Variants in ICA1 observed in about 807,000 individuals in gnomAD.
The protein encoded by ICA1 is 69 kDa islet cell autoantigen.
Under a neutral mutation model 71.0 loss-of-function variants are expected in ICA1, and 40 were observed. That is an observed-to-expected ratio of 0.56 (90% CI 0.44 to 0.73). The LOEUF (loss-of-function observed/expected upper bound fraction) is 0.73, where lower values mean the gene tolerates loss of function less well. Ranked by LOEUF, ICA1 falls within the 30% of genes least tolerant of loss-of-function variation. ICA1 has a pLI of 0.00. For synonymous variants in ICA1, 207 were observed against 209.5 expected (o/e 0.99, Z 0.10); for missense variants, 578 against 576.5 (o/e 1.00, Z -0.03).
At chr7:8,245,138 T>C (rs1461857974) in intron 1 of ICA1, among the ~76,000 whole-genome samples, 1 of 152,106 alleles carries the variant, frequency 6.6e-6, no homozygotes, top group Non-Finnish European at 1.5e-5. Flanking sequence ...CTATTCACAA[T>C]ACCAACGACT....
chr7:8,152,891 T>TCCACCACC (rs1562705785), intron 8 of ICA1, among the ~76,000 whole-genome samples: 1 of 2,802 alleles, frequency 3.6e-4, no homozygotes, highest in African/African-American at 1.4e-3. Flanking sequence ...CCACCACCAC[T>TCCACCACC]ACCACCATTA....
Position 8,130,665 on chromosome 7 carries a change from C to T in ICA1, c.1061-2523G>A, listed in dbSNP as rs1343776431. Among the ~76,000 whole-genome samples the T allele has an allele frequency of 1.3e-5, 2 of 152,144 alleles. No homozygotes were observed. Among genetic ancestry groups the T allele is most frequent in the Non-Finnish European group, 2.9e-5 (2 of 68,030 alleles). The stretch of plus-strand genomic sequence containing the variant: ...AAATGACGTATGTTCCTTCTACAGT[C>T]GCTTTATACAGCCCTCCACTAAGTC... On this transcript the variant is annotated intron_variant, in intron 12 of 13. Coordinates refer to ENST00000402384, the MANE Select transcript of ICA1 (RefSeq NM_001136020.3). The surrounding 1 kb of genome is among the most constrained non-coding windows in gnomAD (Gnocchi z 4.2).
chr7:8,127,838 A>C, intron 13 of ICA1, 35 bp downstream of exon 13: 1 of 1,548,466 alleles, frequency 6.5e-7, no homozygotes, highest in Non-Finnish European at 8.7e-7. Context: ...GAATGAACAA[A>C]CAAAAAACCC....
intron 6 of ICA1, among the ~76,000 whole-genome samples, chr7:8,182,575 G>A (rs1050363476): frequency 2.0e-5 from 3 of 152,116 alleles, no homozygotes; most frequent in African/African-American, 7.2e-5. Flanking sequence ...TTATCCCTGG[G>A]ATCCTAGTAG....
intron 1 of ICA1, among the ~76,000 whole-genome samples, chr7:8,242,925 T>A (rs1163899658): frequency 1.3e-5 from 2 of 151,790 alleles, no homozygotes; most frequent in African/African-American, 4.8e-5. Flanking sequence ...CAATAATTAA[T>A]AGCCTACCAA....
chr7:8,213,019 C>G (rs1304925957), intron 6 of ICA1, among the ~76,000 whole-genome samples: 4 of 152,172 alleles, frequency 2.6e-5, no homozygotes, highest in Non-Finnish European at 5.9e-5. Context: ...CATTCACATA[C>G]TCTAAAAAAG....
At chr7:8,159,335 G>A (rs1802844537) in intron 6 of ICA1, among the ~76,000 whole-genome samples, 1 of 152,110 alleles carries the variant, frequency 6.6e-6, no homozygotes, top group Non-Finnish European at 1.5e-5. Flanking sequence ...TGAACGTCAG[G>A]GAAAGATTCA....
At position 8,181,266 on chromosome 7, in the gene ICA1, G is replaced by A. The variant is rs557524709; in HGVS notation, c.580-22614C>T. ...TTCTCCAATGAATTACAGTAATGCT[G>A]TTAACATAAATCAAGTGACCTTATA... On this transcript the variant is annotated intron_variant, in intron 6 of 13. Coordinates refer to ENST00000402384, the MANE Select transcript of ICA1 (RefSeq NM_001136020.3). Among the ~76,000 whole-genome samples, 4 of 152,242 alleles carry A rather than the reference G, an allele frequency of 2.6e-5. No homozygotes were observed. In the Middle Eastern group the frequency reaches 0.014, roughly 518 times the overall value.
At position 8,123,380 on chromosome 7, in the gene ICA1, G is replaced by T. The variant is rs1787754332; in HGVS notation, c.1330+4493C>A. Among the ~76,000 whole-genome samples, 1 of 152,120 alleles carries T rather than the reference G, an allele frequency of 6.6e-6. No homozygotes were observed. Among genetic ancestry groups the T allele is most frequent in the Non-Finnish European group, 1.5e-5 (1 of 68,028 alleles). ...AGAGGAGGAAACTGAAGAGATGAAG[G>T]CGGAAGAGGAGGGGGAAATGTGGAT... On this transcript the variant is annotated intron_variant, in intron 13 of 13. Transcript: ENST00000402384. This position sits in a 1 kb window ranked among gnomAD's most constrained non-coding sequence, Gnocchi z 4.1.
chr7:8,204,176 T>C (rs1324357780), intron 6 of ICA1, among the ~76,000 whole-genome samples: 2 of 152,214 alleles, frequency 1.3e-5, no homozygotes, highest in Non-Finnish European at 2.9e-5. Flanking sequence ...TGACTGCTAC[T>C]TGAACAGGAA....
rs913836581 is a variant in ICA1, at chr7:8,234,792, T to C, written c.17+1118A>G. Among the ~76,000 whole-genome samples the C allele has an allele frequency of 2.0e-5, 3 of 152,168 alleles. No individual in the cohort carries two copies. Among genetic ancestry groups the C allele is most frequent in the Non-Finnish European group, 4.4e-5 (3 of 68,028 alleles). On this transcript the variant is annotated intron_variant, in intron 2 of 13. Coordinates refer to ENST00000402384, the MANE Select transcript of ICA1 (RefSeq NM_001136020.3). The surrounding 1 kb of genome is among the most constrained non-coding windows in gnomAD (Gnocchi z 4.5). ...TAAAAGATAATCTCTCTATAGAATA[T>C]GCACATTAAAAGGTTGGAAGGATAC...
chr7:8,130,310 G>A lies in ICA1; in HGVS notation c.1061-2168C>T, dbSNP rs1244007930. Among the ~76,000 whole-genome samples the A allele has an allele frequency of 1.3e-5, 2 of 152,136 alleles. No individual in the cohort carries two copies. The highest frequency in any genetic ancestry group is 4.8e-5 in the African/African-American group (2 of 41,364). On this transcript the variant is annotated intron_variant, in intron 12 of 13. Transcript: ENST00000402384. The surrounding 1 kb of genome is among the most constrained non-coding windows in gnomAD (Gnocchi z 4.2). ...AGCCTGCACATGGTGGGCGAGGCAG[G>A]ACTGTAAGGTCAGGCAGGTGGCCCA...
intron 6 of ICA1, among the ~76,000 whole-genome samples, chr7:8,195,983 A>C (rs1360109744): frequency 9.0e-6 from 1 of 111,244 alleles, no homozygotes; most frequent in Non-Finnish European, 2.3e-5. Context: ...GTCTCACAAC[A>C]ACAACAACAA....
chr7:8,144,010 AAAG>A lies in ICA1; in HGVS notation c.805-41_805-39del, dbSNP rs563315124. 34 of 1,148,334 alleles carry A rather than the reference AAAG, an allele frequency of 3.0e-5. No individual in the cohort carries two copies. Among genetic ancestry groups the A allele is most frequent in the African/African-American group, 2.3e-4 (15 of 64,468 alleles). The allele number at this position is 1,148,334 out of a possible 1,614,324, so 71.1% of individuals were successfully genotyped here. Reference sequence around the variant, plus strand: ...CCATAGAAAAATGAAAAAGAAAAAAAAAGAAGAAGAAATAGAGACAAAAAAAAG... The same window carrying A: ...CCATAGAAAAATGAAAAAGAAAAAAAAAGAAGAAATAGAGACAAAAAAAAG... On this transcript the variant is annotated intron_variant, in intron 8 of 13. Transcript: ENST00000402384. The surrounding 1 kb of genome is among the most constrained non-coding windows in gnomAD (Gnocchi z 4.5).
intron 5 of ICA1, among the ~76,000 whole-genome samples, chr7:8,220,185 G>C (rs773073003): frequency 6.6e-6 from 1 of 152,178 alleles, no homozygotes; most frequent in Non-Finnish European, 1.5e-5. Flanking sequence ...CTTGGGAAAT[G>C]TGTGGAGAAC....
At chr7:8,253,455 A>G (rs890941244) in intron 1 of ICA1, among the ~76,000 whole-genome samples, 3 of 152,230 alleles carry the variant, frequency 2.0e-5, no homozygotes, top group Non-Finnish European at 4.4e-5. Flanking sequence ...TGTAATATAT[A>G]CAATATGTAT....
At chr7:8,213,005 T>C (rs901391762) in intron 6 of ICA1, among the ~76,000 whole-genome samples, 15 of 152,222 alleles carry the variant, frequency 9.9e-5, no homozygotes, top group Admixed American at 7.9e-4. Context: ...GGCTTTTCCT[T>C]CGGCATTCAC....
intron 6 of ICA1, among the ~76,000 whole-genome samples, chr7:8,168,956 C>G (rs764700737): frequency 6.6e-6 from 1 of 152,148 alleles, no homozygotes; most frequent in Non-Finnish European, 1.5e-5. Flanking sequence ...CAACTATGAC[C>G]ACAATCATGA....
chr7:8,143,194 T>A (rs1343968391), intron 9 of ICA1, among the ~76,000 whole-genome samples: 2 of 152,182 alleles, frequency 1.3e-5, no homozygotes, highest in African/African-American at 4.8e-5. Context: ...CAGATCCACA[T>A]TTCAACCTCC....
Sources: allele counts gnomAD v4.1 joint callset (sites outside exome capture counted in the v4.1 genomes callset), GRCh38; gene constraint gnomAD v4.1.1; non-coding constraint Gnocchi (gnomAD v3.1); transcripts MANE v1.5; gene names NCBI Gene and HGNC (gene_info 2026-07-23, HGNC 2026-07-21).